The following NLRP11 variants were observed in gnomAD, a reference collection of about 807,000 sequenced individuals.
The protein encoded by NLRP11 is NLR family pyrin domain containing 11.
Under a neutral mutation model 79.3 loss-of-function variants are expected in NLRP11, and 53 were observed. The ratio of observed to expected loss-of-function variants is 0.67; its 90% CI spans 0.54 to 0.84. The LOEUF is 0.84. Ranked by LOEUF, NLRP11 falls within the 40% of genes least tolerant of loss-of-function variation. The probability of loss-of-function intolerance (pLI) is 0.00; values close to 1 mark genes in which losing one functional copy is unlikely to be tolerated. For synonymous variants in NLRP11, 518 were observed against 462.6 expected (o/e 1.12, Z -1.54); for missense variants, 1,264 against 1,255.0 (o/e 1.01, Z -0.11).
intron 1 of NLRP11, among the ~76,000 whole-genome samples, chr19:55,831,096 C>CCCACCCCCCCCACCCCCCCCACCCCCCCG (rs1197602205): frequency 5.3e-4 from 2 of 3,798 alleles, no homozygotes; most frequent in Non-Finnish European, 5.0e-4. Flanking sequence ...AGACCCACCG[C>CCCACCCCCCCCACCCCCCCCACCCCCCCG]CCCACCCCCC....
At chr19:55,800,076 A>G (rs1979328274) in intron 5 of NLRP11, among the ~76,000 whole-genome samples, 1 of 152,146 alleles carries the variant, frequency 6.6e-6, no homozygotes, top group African/African-American at 2.4e-5. Flanking sequence ...GGGTGGGAAG[A>G]TTTGCTTACA....
intron 2 of NLRP11, among the ~76,000 whole-genome samples, chr19:55,815,401 C>T (rs1406334669): frequency 1.4e-5 from 2 of 139,904 alleles, no homozygotes; most frequent in Non-Finnish European, 3.0e-5. Context: ...TGGTGGTGGG[C>T]ACCCTTAATC....
chr19:55,835,176 C>A (rs561544736), upstream of NLRP11, among the ~76,000 whole-genome samples: 1 of 152,224 alleles, frequency 6.6e-6, no homozygotes, highest in African/African-American at 2.4e-5. Flanking sequence ...GGATCATCAC[C>A]ATCGTAACAC....
intron 1 of NLRP11, among the ~76,000 whole-genome samples, chr19:55,821,575 C>T (rs1049000204): frequency 1.9e-4 from 29 of 152,204 alleles, no homozygotes; most frequent in African/African-American, 7.0e-4. Context: ...ATGACGTCCT[C>T]CTAAACTCAC....
intron 5 of NLRP11, among the ~76,000 whole-genome samples, chr19:55,797,993 A>ATTTT (rs200637929): frequency 2.2e-5 from 3 of 136,970 alleles, no homozygotes; most frequent in African/African-American, 5.5e-5. Context: ...ATTCTATATT[A>ATTTT]TTATTATTTT....
chr19:55,785,492 GTCACACACAC>G lies in NLRP11; in HGVS notation c.*123_*132del, dbSNP rs1327847508. 4.1e-3 allele frequency: 2,680 copies of G among 651,880 alleles called. 28 individuals are homozygous for G. Among genetic ancestry groups the G allele is most frequent in the Middle Eastern group, 0.011 (25 of 2,256 alleles). 40.4% of individuals were successfully genotyped at this position (651,880 alleles called of 1,614,324 possible). A position where few individuals can be genotyped will look rare whatever the true frequency, so the allele number is the denominator to read the frequency against. On this transcript the variant is annotated 3_prime_UTR_variant, in exon 10 of 10. Transcript: ENST00000589093. ...ATTTGAAGTGGTTGACTGGATCAAGGTCACACACACACACACACACACACACACACACACA... is the reference window on the plus strand; with the variant it reads ...ATTTGAAGTGGTTGACTGGATCAAGGACACACACACACACACACACACACA...
Position 55,823,171 on chromosome 19 carries a change from A to C in NLRP11, c.-62-4935T>G, listed in dbSNP as rs891003260. 7.5e-5 allele frequency among the ~76,000 whole-genome samples: 11 copies of C among 146,360 alleles called. 1 individual carries two copies. Among genetic ancestry groups the C allele is most frequent in the Admixed American group, 2.0e-4 (3 of 14,668 alleles). ...GGAGCACACTGACACCTCACACGGCAGGGTATTCCAACAGACCTGCAGCTG... is the reference window on the plus strand; with the variant it reads ...GGAGCACACTGACACCTCACACGGCCGGGTATTCCAACAGACCTGCAGCTG... On this transcript the variant is annotated intron_variant, in intron 1 of 9. Transcript: ENST00000589093.
rs374842453 is a variant in NLRP11 at position 55,794,964 on chromosome 19, C to T, written c.2342+1116G>A. The stretch of plus-strand genomic sequence containing the variant: ...GGAGCTAAAGGGAGCCAAAAATGGG[C>T]GAAACAAAAAAACAAGATGACCTAC... On this transcript the variant is annotated intron_variant, in intron 6 of 9. Transcript: ENST00000589093. 5.9e-5 allele frequency among the ~76,000 whole-genome samples: 9 copies of T among 152,040 alleles called. No homozygotes were observed. In the South Asian group the frequency reaches 8.3e-4, roughly 14 times the overall value.
At chr19:55,810,428 T>A in intron 2 of NLRP11, 90 bp from the exon 3 acceptor site, 1 of 1,206,898 alleles carries the variant, frequency 8.3e-7, no homozygotes, top group Non-Finnish European at 1.2e-6. Context: ...ATGTTTACAG[T>A]AAAAATATAG....
At chr19:55,785,586 G>A in exon 10 of NLRP11, 2 of 1,568,304 alleles carry the variant, frequency 1.3e-6, no homozygotes, top group South Asian at 1.2e-5. Context: ...CCCAGTCACG[G>A]TAGTAATTTA....
rs1265737378 is a variant in NLRP11 at position 55,792,207 on chromosome 19, C to T, written c.2513+94G>A. On this transcript the variant is annotated intron_variant, in intron 7 of 9. Transcript: ENST00000589093. ...TCCCGTACCCCTATCACCCATGATGCCATCACTGGAATCTTATCCCTGCCA... is the reference window on the plus strand; with the variant it reads ...TCCCGTACCCCTATCACCCATGATGTCATCACTGGAATCTTATCCCTGCCA... The T allele has an allele frequency of 6.7e-6, 7 of 1,051,878 alleles. No homozygotes were observed. The African/African-American group carries it at 7.8e-5, about 12-fold the overall frequency. 65.2% of individuals were successfully genotyped at this position (1,051,878 alleles called of 1,614,324 possible).
intron 1 of NLRP11, among the ~76,000 whole-genome samples, chr19:55,823,139 C>G (rs1417844568): frequency 7.5e-6 from 1 of 133,734 alleles, no homozygotes; most frequent in Non-Finnish European, 1.6e-5. Context: ...GGAGGCACCC[C>G]CCAGCAGGAG....
chr19:55,808,070 G>A, intron 3 of NLRP11, 56 bp from the exon 4 acceptor site: 1 of 1,157,542 alleles, frequency 8.6e-7, no homozygotes, highest in Non-Finnish European at 1.2e-6. Context: ...CCAGCAATTT[G>A]TAAAACATGT....
At position 55,792,311 on chromosome 19, in the gene NLRP11, C is replaced by G. The variant is rs759776521; in HGVS notation, c.2503G>C (p.Glu835Gln). The change falls in exon 7 of 10, where the codon GAG (glutamate) becomes CAG (glutamine). Residue 835 changes from glutamate (E) to glutamine (Q), a missense_variant. Transcript: ENST00000589093. ...CTGTGGGAGACTTACTGAAGCTCCTCTAACTGACAGGTTGGAAACAGCAAG... is the reference window on the plus strand; with the variant it reads ...CTGTGGGAGACTTACTGAAGCTCCTGTAACTGACAGGTTGGAAACAGCAAG... The G allele has an allele frequency of 3.1e-6, 5 of 1,613,998 alleles. No individual in the cohort carries two copies. In the South Asian group the frequency reaches 5.5e-5, roughly 18 times the overall value.
chr19:55,792,551 C>A, intron 6 of NLRP11, 80 bp from the exon 7 acceptor site: 1 of 1,109,228 alleles, frequency 9.0e-7, no homozygotes, highest in Admixed American at 1.9e-5. Context: ...CCCACGCCCA[C>A]GGGCGCCTCG....
At chr19:55,805,538 G>GT (rs72058432) in intron 4 of NLRP11, among the ~76,000 whole-genome samples, 47,356 of 147,184 alleles carry the variant, frequency 0.32, 9,655 homozygotes, top group African/African-American at 0.59. Flanking sequence ...TTAAGGTTTT[G>GT]TTTTTTTTTT....
chr19:55,820,257 G>A (rs1047279735), intron 1 of NLRP11, among the ~76,000 whole-genome samples: 3 of 152,128 alleles, frequency 2.0e-5, no homozygotes, highest in African/African-American at 4.8e-5. Flanking sequence ...CAGAAGGCAC[G>A]CATGCACCCA....
At chr19:55,811,077 C>T (rs535022944) in intron 2 of NLRP11, among the ~76,000 whole-genome samples, 1 of 152,254 alleles carries the variant, frequency 6.6e-6, no homozygotes, top group South Asian at 2.1e-4. Context: ...CATCTTGGCC[C>T]ATCAGTCATG....
intron 2 of NLRP11, among the ~76,000 whole-genome samples, chr19:55,816,827 C>T (rs557768418): frequency 6.6e-6 from 1 of 152,214 alleles, no homozygotes; most frequent in Non-Finnish European, 1.5e-5. Context: ...AGCTGGTTTG[C>T]ATAATAACAG....
Sources: gnomAD v4.1 joint callset for allele counts (sites outside exome capture counted in the v4.1 genomes callset) on GRCh38, gnomAD v4.1.1 for gene constraint, MANE v1.5 for transcripts, NCBI Gene and HGNC (gene_info 2026-07-23, HGNC 2026-07-21) for gene names.